Variants in UACA observed in about 807,000 individuals in gnomAD.
The protein encoded by UACA is nuclear membrane binding protein.
Under a neutral mutation model 160.5 loss-of-function variants are expected in UACA, and 112 were observed. The ratio of observed to expected loss-of-function variants is 0.70; its 90% CI spans 0.60 to 0.82. UACA has a LOEUF of 0.82. Among genes scored for constraint, UACA ranks in the 40% least tolerant of loss-of-function variants. The probability of loss-of-function intolerance (pLI) is 0.00; values close to 1 mark genes in which losing one functional copy is unlikely to be tolerated. For missense variants in UACA, 1,574 were observed against 1,614.6 expected (o/e 0.97, Z 0.43); for synonymous variants, 557 against 568.4 (o/e 0.98, Z 0.29).
rs902838484 is a variant in UACA at position 70,718,251 on chromosome 15, G to A, written c.79-18591C>T. 5.4e-5 allele frequency among the ~76,000 whole-genome samples: 8 copies of A among 148,408 alleles called. No homozygotes were observed. In the South Asian group the frequency reaches 6.5e-4, roughly 12 times the overall value. On this transcript the variant is annotated intron_variant, in intron 1 of 18. Transcript: ENST00000322954. ...AGGTGAGAGAGAGAGACAGAGGAACGGGGGGGAGGGAGGGGGAGGAGGGGG... is the reference window on the plus strand; with the variant it reads ...AGGTGAGAGAGAGAGACAGAGGAACAGGGGGGAGGGAGGGGGAGGAGGGGG...
At chr15:70,727,326 T>C (rs535456614) in intron 1 of UACA, among the ~76,000 whole-genome samples, 2 of 152,304 alleles carry the variant, frequency 1.3e-5, no homozygotes, top group East Asian at 3.9e-4. Context: ...CACAAAAATA[T>C]TATTTAATAA....
intron 1 of UACA, among the ~76,000 whole-genome samples, chr15:70,755,768 T>C (rs946218889): frequency 1.3e-5 from 2 of 152,168 alleles, no homozygotes; most frequent in African/African-American, 4.8e-5. Context: ...AATTCTTATT[T>C]GAAGATTTGT....
rs781623644 is a variant in UACA at position 70,667,338 on chromosome 15, G to A, written c.3346C>T (p.Gln1116Ter). Residue 1116 changes from glutamine (Q) to a stop codon, truncating the protein, a stop_gained, in exon 16 of 19, where the codon CAG becomes TAG. Coordinates refer to ENST00000322954, the MANE Select transcript of UACA (RefSeq NM_018003.4). LOFTEE classifies it high-confidence loss of function. ...LLQKQHVPLEQVEALKKSLNG... is the reference protein window; with the variant it reads ...LLQKQHVPLE ...AGAGATTTTTTCAGAGCCTCAACCTGTTCCAATGGAACATGTTGTTTTTGC... is the reference window on the plus strand; with the variant it reads ...AGAGATTTTTTCAGAGCCTCAACCTATTCCAATGGAACATGTTGTTTTTGC... 37 of 1,612,782 alleles carry A rather than the reference G, an allele frequency of 2.3e-5. No individual in the cohort carries two copies. Among genetic ancestry groups the A allele is most frequent in the Non-Finnish European group, 1.7e-6 (2 of 1,179,824 alleles).
At chr15:70,764,767 G>A (rs1379984654), upstream of UACA, among the ~76,000 whole-genome samples, 1 of 152,138 alleles carries the variant, frequency 6.6e-6, no homozygotes, top group Non-Finnish European at 1.5e-5. Flanking sequence ...TAGATCTTTG[G>A]AAGAAAATTT....
At chr15:70,766,421 AT>A (rs1486887483), upstream of UACA, among the ~76,000 whole-genome samples, 1 of 152,092 alleles carries the variant, frequency 6.6e-6, no homozygotes, top group African/African-American at 2.4e-5. Flanking sequence ...CTGAGCCTAT[AT>A]AAAATATTTT....
At chr15:70,717,674 C>T (rs1349147023) in intron 1 of UACA, among the ~76,000 whole-genome samples, 1 of 152,176 alleles carries the variant, frequency 6.6e-6, no homozygotes, top group African/African-American at 2.4e-5. Flanking sequence ...TCTCCATACT[C>T]ATATTTTACT....
At chr15:70,723,636 T>G (rs993915515) in intron 1 of UACA, among the ~76,000 whole-genome samples, 1 of 93,364 alleles carries the variant, frequency 1.1e-5, no homozygotes, top group Non-Finnish European at 2.1e-5. Flanking sequence ...ACTTTTTCCT[T>G]TTTTTTTTTT....
chr15:70,745,579 A>G (rs1899681978), intron 1 of UACA, among the ~76,000 whole-genome samples: 1 of 152,192 alleles, frequency 6.6e-6, no homozygotes, highest in African/African-American at 2.4e-5. Context: ...TGAAGCTACC[A>G]CTGACTTTCT....
Position 70,752,169 on chromosome 15 carries a change from C to T in UACA, c.78+11161G>A, listed in dbSNP as rs796581406. Among the ~76,000 whole-genome samples the T allele has an allele frequency of 3.4e-5, 5 of 146,554 alleles. No homozygotes were observed. In the East Asian group the frequency reaches 1.1e-3, roughly 31 times the overall value. On this transcript the variant is annotated intron_variant, in intron 1 of 18. Transcript: ENST00000322954. ...AGGAGAATCGCTTGAACCCGGGAGG[C>T]AGAGGTTGCGGCGAGCCAAGATCAC...
intron 1 of UACA, 89 bp downstream of exon 1, chr15:70,763,240 CA>C: frequency 8.0e-7 from 1 of 1,256,158 alleles, no homozygotes. Flanking sequence ...AGAGGAAAAG[CA>C]GAGGAAGGCG....
upstream of UACA, among the ~76,000 whole-genome samples, chr15:70,764,102 G>A (rs1261248945): frequency 6.6e-6 from 1 of 152,196 alleles, no homozygotes; most frequent in Non-Finnish European, 1.5e-5. Context: ...AAAACGTACA[G>A]TTAAGAAAGA....
chr15:70,668,135 T>A lies in UACA; in HGVS notation c.2549A>T (p.Asn850Ile). ...KIHALTSENT[N>I]LKKMMSNQYV... The stretch of plus-strand genomic sequence containing the variant: ...CTGATTACTCATCATCTTCTTCAAG[T>A]TAGTGTTTTCAGATGTGAGAGCGTG... Residue 850 changes from asparagine (N) to isoleucine (I), a missense_variant, in exon 16 of 19, where the codon AAC becomes ATC. Coordinates refer to ENST00000322954, the MANE Select transcript of UACA (RefSeq NM_018003.4). 1 of 1,613,692 alleles carries A rather than the reference T, an allele frequency of 6.2e-7. No individual in the cohort carries two copies. Among genetic ancestry groups the A allele is most frequent in the Non-Finnish European group, 8.5e-7 (1 of 1,179,912 alleles).
chr15:70,750,425 T>C (rs1046440890), intron 1 of UACA, among the ~76,000 whole-genome samples: 2 of 152,176 alleles, frequency 1.3e-5, no homozygotes, highest in African/African-American at 4.8e-5. Context: ...GGATCCTCCC[T>C]TGCTATTTTT....
At chr15:70,677,666 T>C (rs1182665967) in intron 11 of UACA, among the ~76,000 whole-genome samples, 1 of 152,212 alleles carries the variant, frequency 6.6e-6, no homozygotes, top group Non-Finnish European at 1.5e-5. Flanking sequence ...ATTTCATATA[T>C]ATTCTACTTT....
At chr15:70,670,084 AAG>A (rs1897082650) in intron 15 of UACA, among the ~76,000 whole-genome samples, 1 of 152,190 alleles carries the variant, frequency 6.6e-6, no homozygotes, top group Non-Finnish European at 1.5e-5. Context: ...GCACCAGGGA[AAG>A]AGAGTCTCCC....
At position 70,660,225 on chromosome 15, in the gene UACA, G is replaced by C. The variant is rs947582215; in HGVS notation, c.4114-9C>G. ...TGCTGTCTGTCAGCATCCTAGAAAT[G>C]TGGAAAGATGGACAGATGTGACTAT... On this transcript the variant is annotated splice_polypyrimidine_tract_variant and intron_variant, in intron 17 of 18. Transcript: ENST00000322954. 2 of 1,612,320 alleles carry C rather than the reference G, an allele frequency of 1.2e-6. No individual in the cohort carries two copies. The highest frequency in any genetic ancestry group is 1.7e-6 in the Non-Finnish European group (2 of 1,178,752).
intron 8 of UACA, among the ~76,000 whole-genome samples, chr15:70,683,921 T>C (rs188246647): frequency 2.0e-3 from 302 of 152,060 alleles, no homozygotes; most frequent in Middle Eastern, 0.017. Context: ...AAACAATGAT[T>C]CTTTAAAACT....
chr15:70,664,134 A>G (rs1356395805), intron 17 of UACA, among the ~76,000 whole-genome samples: 1 of 152,330 alleles, frequency 6.6e-6, no homozygotes, highest in East Asian at 1.9e-4. Context: ...CAGGACTTAG[A>G]CCAGACCTTC....
intron 1 of UACA, among the ~76,000 whole-genome samples, chr15:70,760,561 C>A (rs1413233958): frequency 6.6e-6 from 1 of 152,054 alleles, no homozygotes; most frequent in Non-Finnish European, 1.5e-5. Flanking sequence ...GTAATCCCAG[C>A]ACTTTGGGAG....
Sources: allele counts gnomAD v4.1 joint callset (sites outside exome capture counted in the v4.1 genomes callset), GRCh38; gene constraint gnomAD v4.1.1; transcripts MANE v1.5; gene names NCBI Gene and HGNC (gene_info 2026-07-23, HGNC 2026-07-21).